Variants in SLC5A4 observed in about 807,000 individuals in gnomAD.
SLC5A4 encodes the protein solute carrier family 5 member 4, also known as probable glucose sensor protein SLC5A4.
In SLC5A4, 55 loss-of-function variants were observed where a neutral mutation model predicts 70.3. The observed-to-expected ratio is 0.78, with a 90% CI of 0.63 to 0.98. The LOEUF (loss-of-function observed/expected upper bound fraction) is 0.98, where lower values mean the gene tolerates loss of function less well. Among genes scored for constraint, SLC5A4 ranks in the 50% least tolerant of loss-of-function variants. The pLI is 0.00. For synonymous variants in SLC5A4, 268 were observed against 305.7 expected (o/e 0.88, Z 1.29); for missense variants, 735 against 839.2 (o/e 0.88, Z 1.53).
intron 5 of SLC5A4, among the ~76,000 whole-genome samples, chr22:32,244,145 C>T (rs918850764): frequency 1.3e-4 from 20 of 152,298 alleles, no homozygotes; most frequent in Admixed American, 1.1e-3. Flanking sequence ...GATCCCAACT[C>T]GGTTGTACAA....
rs776197721 is a variant in SLC5A4, at chr22:32,224,261, A to G, written c.1665+6T>C. 6 of 1,593,384 alleles carry G rather than the reference A, an allele frequency of 3.8e-6. No homozygotes were observed. The Admixed American group carries it at 8.3e-5, about 22-fold the overall frequency. ...AATTAGCATGTATTCATTACTCATC[A>G]CTCACATGTACATCAGGAATGGGTT... On this transcript the variant is annotated splice_donor_region_variant and intron_variant, in intron 13 of 14. Coordinates refer to ENST00000266086, the MANE Select transcript of SLC5A4 (RefSeq NM_014227.3).
chr22:32,235,361 G>C (rs1159560512), intron 7 of SLC5A4, among the ~76,000 whole-genome samples: 1 of 152,046 alleles, frequency 6.6e-6, no homozygotes, highest in Non-Finnish European at 1.5e-5. Flanking sequence ...TTTCTTTTAA[G>C]GTAAAAATGA....
At chr22:32,317,330 C>T in the SLC5A4 span, among the ~76,000 whole-genome samples, 5 of 151,748 alleles carry the variant, frequency 3.3e-5, no homozygotes, top group Non-Finnish European at 7.4e-5. Context: ...GCATGAATTG[C>T]CCAACTCAAA....
At chr22:32,307,994 C>A in the SLC5A4 span, among the ~76,000 whole-genome samples, 35 of 152,178 alleles carry the variant, frequency 2.3e-4, no homozygotes, top group Non-Finnish European at 4.6e-4. Flanking sequence ...TGTCTCCCTG[C>A]AGTGATGGGT....
At chr22:32,311,652 G>C in the SLC5A4 span, among the ~76,000 whole-genome samples, 1 of 152,204 alleles carries the variant, frequency 6.6e-6, no homozygotes, top group Admixed American at 6.5e-5. Context: ...ATGTGTCTGT[G>C]TCTCCCACCA....
At chr22:32,268,488 T>C in the SLC5A4 span, 4 of 152,204 alleles carry the variant, frequency 2.6e-5, no homozygotes, top group Admixed American at 2.6e-4. Context: ...TCAGGCCCGA[T>C]TTCCAGCTGG....
chr22:32,329,416 G>A, the SLC5A4 span, among the ~76,000 whole-genome samples: 1 of 152,080 alleles, frequency 6.6e-6, no homozygotes, highest in African/African-American at 2.4e-5. Flanking sequence ...GCGGGGCCGC[G>A]GACATGCTTG....
intron 5 of SLC5A4, among the ~76,000 whole-genome samples, chr22:32,245,015 T>C (rs1926737003): frequency 6.6e-6 from 1 of 152,192 alleles, no homozygotes; most frequent in Non-Finnish European, 1.5e-5. Flanking sequence ...ATTAAAACAA[T>C]AGTCAATATC....
rs771078774 is a variant in SLC5A4, at chr22:32,251,823, G to C, written c.259C>G (p.Leu87Val). ...SNIGSNHYVG[L>V]AGTGAASGVA... Reference sequence around the variant, plus strand: ...CCTGAAGCTGCTCCTGTCCCAGCCAGCCCCACATAGTGGTTGCTGCCGATG... The same window carrying C: ...CCTGAAGCTGCTCCTGTCCCAGCCACCCCCACATAGTGGTTGCTGCCGATG... Residue 87 changes from leucine to valine, a missense_variant, in exon 3 of 15, where the codon CTG (leucine) becomes GTG (valine). By Grantham distance (32) the Leu-to-Val change is conservative. Coordinates refer to ENST00000266086, the MANE Select transcript of SLC5A4 (RefSeq NM_014227.3). 6.2e-7 allele frequency: 1 copy of C among 1,614,056 alleles called. No homozygotes were observed. Among genetic ancestry groups the C allele is most frequent in the Non-Finnish European group, 8.5e-7 (1 of 1,179,908 alleles).
the SLC5A4 span, among the ~76,000 whole-genome samples, chr22:32,336,621 C>G: frequency 2.2e-4 from 34 of 152,360 alleles, no homozygotes; most frequent in South Asian, 1.0e-3. Flanking sequence ...CTCCTGACAG[C>G]TGCACCCTGG....
At chr22:32,271,281 C>G in the SLC5A4 span, 1 of 755,274 alleles carries the variant, frequency 1.3e-6, no homozygotes, top group Non-Finnish European at 2.3e-6. Context: ...GAGAGCCCAC[C>G]ACACAGGGCG....
chr22:32,246,948 A>G (rs1412479208), intron 5 of SLC5A4, among the ~76,000 whole-genome samples: 1 of 152,250 alleles, frequency 6.6e-6, no homozygotes, highest in African/African-American at 2.4e-5. Flanking sequence ...AAAAATCAGT[A>G]TAATAATACA....
chr22:32,235,843 T>G (rs1926026208), intron 7 of SLC5A4, among the ~76,000 whole-genome samples: 1 of 152,208 alleles, frequency 6.6e-6, no homozygotes, highest in Admixed American at 6.5e-5. Context: ...ACTTCATTAT[T>G]TAGCTGAAGG....
the SLC5A4 span, among the ~76,000 whole-genome samples, chr22:32,311,369 C>CTGAGCTAAG: frequency 1.3e-5 from 2 of 152,182 alleles, no homozygotes; most frequent in Non-Finnish European, 2.9e-5. Context: ...GCAGGGCCTC[C>CTGAGCTAAG]TGAGCTAAGA....
At chr22:32,291,564 T>C in the SLC5A4 span, among the ~76,000 whole-genome samples, 2 of 152,186 alleles carry the variant, frequency 1.3e-5, no homozygotes, top group African/African-American at 4.8e-5. Context: ...AATTGACACA[T>C]TTACTGTGTT....
chr22:32,283,337 A>T, the SLC5A4 span, among the ~76,000 whole-genome samples: 2 of 152,182 alleles, frequency 1.3e-5, no homozygotes, highest in African/African-American at 4.8e-5. Flanking sequence ...TACCTTCTCC[A>T]TGCAACCCCT....
At chr22:32,226,404 T>G (rs1017888042) in intron 11 of SLC5A4, among the ~76,000 whole-genome samples, 10 of 152,232 alleles carry the variant, frequency 6.6e-5, no homozygotes, top group African/African-American at 2.2e-4. Context: ...TGCAGCATTG[T>G]CTGTGCTTGT....
At chr22:32,342,457 G>A in the SLC5A4 span, among the ~76,000 whole-genome samples, 1 of 152,012 alleles carries the variant, frequency 6.6e-6, no homozygotes, top group Non-Finnish European at 1.5e-5. Context: ...CCACTAGCAG[G>A]AGCTGAAATC....
chr22:32,243,176 C>T (rs377040336), intron 5 of SLC5A4, among the ~76,000 whole-genome samples: 10 of 152,068 alleles, frequency 6.6e-5, no homozygotes, highest in African/African-American at 2.4e-4. Flanking sequence ...AGTATTCCAG[C>T]CAAGAAGAAT....
Sources: allele counts gnomAD v4.1 joint callset (sites outside exome capture counted in the v4.1 genomes callset), GRCh38; gene constraint gnomAD v4.1.1; transcripts MANE v1.5; gene names NCBI Gene and HGNC (gene_info 2026-07-23, HGNC 2026-07-21).